Variants in VPS54 observed in about 807,000 individuals in gnomAD.
VPS54 encodes the protein VPS54 subunit of GARP complex.
VPS54 carries 45 observed loss-of-function variants against 121.5 expected under a neutral mutation model. That is an observed-to-expected ratio of 0.37 (90% confidence interval 0.29 to 0.47). VPS54 has a LOEUF of 0.47. VPS54 is among the 20% of genes least tolerant of loss of function. The probability of loss-of-function intolerance (pLI) is 0.99; values close to 1 mark genes in which losing one functional copy is unlikely to be tolerated. For synonymous variants in VPS54, 371 were observed against 385.8 expected (o/e 0.96, Z 0.45); for missense variants, 1,090 against 1,131.4 (o/e 0.96, Z 0.52).
At chr2:63,916,813 A>G (rs1673399444) in intron 16 of VPS54, 87 bp downstream of exon 16, 1 of 1,347,142 alleles carries the variant, frequency 7.4e-7, no homozygotes, top group Non-Finnish European at 1.1e-6. Flanking sequence ...CTGTTAATCC[A>G]AAATTTCCAA....
chr2:64,010,989 T>G (rs565951077), intron 1 of VPS54, among the ~76,000 whole-genome samples: 2 of 152,320 alleles, frequency 1.3e-5, no homozygotes, highest in Admixed American at 1.3e-4. Context: ...TCTGAATGCA[T>G]GCGCTTCCTA....
intron 16 of VPS54, among the ~76,000 whole-genome samples, chr2:63,916,003 T>A (rs1383326502): frequency 6.6e-6 from 1 of 152,110 alleles, no homozygotes; most frequent in African/African-American, 2.4e-5. Flanking sequence ...CTGGAGGTGG[T>A]GGTCATTTCA....
chr2:64,008,098 C>G (rs1678251596), intron 1 of VPS54, among the ~76,000 whole-genome samples: 1 of 151,620 alleles, frequency 6.6e-6, no homozygotes, highest in South Asian at 2.1e-4. Context: ...CAGCAAGAAG[C>G]CAATTGAAGG....
Position 63,962,061 on chromosome 2 carries a change from A to G in VPS54, c.1007T>C (p.Phe336Ser). 1.3e-6 allele frequency: 2 copies of G among 1,556,848 alleles called. No individual in the cohort carries two copies. The highest frequency in any genetic ancestry group is 1.2e-5 in the South Asian group (1 of 83,148). The change falls in exon 7 of 23, where the codon TTC becomes TCC. Residue 336 changes from phenylalanine to serine, a missense_variant. Transcript: ENST00000272322. ...GTGGCTTACTTAATGAACATACCGG[A>G]AACTGTGAATGCCCTGAAGTTCCTG... ...LQQELQGIHS[F>S]RHLGSQLCEL...
At chr2:63,910,282 C>G (rs938266182) in intron 20 of VPS54, among the ~76,000 whole-genome samples, 12 of 152,050 alleles carry the variant, frequency 7.9e-5, no homozygotes, top group African/African-American at 2.4e-4. Context: ...GAAAAGTCAT[C>G]AATGGAGAAG....
intron 14 of VPS54, 95 bp from the exon 15 acceptor site, chr2:63,920,090 A>G (rs1355955456): frequency 1.9e-6 from 2 of 1,031,658 alleles, no homozygotes; most frequent in Non-Finnish European, 2.8e-6. Flanking sequence ...GAGTGAGAAC[A>G]TAAGACTTAA....
intron 1 of VPS54, among the ~76,000 whole-genome samples, chr2:63,985,819 A>G (rs1442761687): frequency 6.6e-6 from 1 of 152,186 alleles, no homozygotes; most frequent in African/African-American, 2.4e-5. Context: ...GAAAATTAAG[A>G]GTCTTTGAAA....
intron 11 of VPS54, 132 bp from the exon 12 acceptor site, chr2:63,934,145 T>G (rs921399578): frequency 2.7e-6 from 2 of 748,744 alleles, no homozygotes; most frequent in African/African-American, 3.5e-5. Flanking sequence ...ATATCAGAAT[T>G]TCTACCGATC....
Position 63,961,903 on chromosome 2 carries a change from A to G in VPS54, c.1010+155T>C, listed in dbSNP as rs140046783. 4.7e-3 allele frequency among the ~76,000 whole-genome samples: 709 copies of G among 152,314 alleles called. 5 individuals carry two copies. Among genetic ancestry groups the G allele is most frequent in the South Asian group, 0.018 (86 of 4,830 alleles). On this transcript the variant is annotated intron_variant, in intron 7 of 22. Coordinates refer to ENST00000272322, the MANE Select transcript of VPS54 (RefSeq NM_016516.3). ...TTATGGTTTTTGTTTTGCTAATACT[A>G]CAATATCAGAATAACATTATTAAAC...
intron 11 of VPS54, among the ~76,000 whole-genome samples, chr2:63,940,610 A>C (rs918731005): frequency 1.3e-5 from 2 of 152,216 alleles, no homozygotes; most frequent in African/African-American, 4.8e-5. Flanking sequence ...TGAAAAAAAC[A>C]TTGAAGGAAA....
At chr2:63,976,957 T>C (rs1676565239) in intron 3 of VPS54, among the ~76,000 whole-genome samples, 1 of 151,220 alleles carries the variant, frequency 6.6e-6, no homozygotes, top group Non-Finnish European at 1.5e-5. Flanking sequence ...GCCTCCCAAG[T>C]AGCTGGGATG....
At chr2:63,910,268 A>G (rs1673091807) in intron 20 of VPS54, among the ~76,000 whole-genome samples, 1 of 152,204 alleles carries the variant, frequency 6.6e-6, no homozygotes, top group East Asian at 1.9e-4. Context: ...TGCCAGAGTA[A>G]TAGGAAAAGT....
rs184176559 is a variant in VPS54 at position 63,935,559 on chromosome 2, G to A, written c.1399-1546C>T. 9.9e-5 allele frequency among the ~76,000 whole-genome samples: 15 copies of A among 152,162 alleles called. No individual in the cohort carries two copies. The South Asian group carries it at 2.1e-3, about 21-fold the overall frequency. On this transcript the variant is annotated intron_variant, in intron 11 of 22. Transcript: ENST00000272322. ...TTAACTTTTTAAAATAAAAAGACAT[G>A]ACAGACCTATCCAACATCTATTCTA...
At chr2:63,976,823 CTCTT>C (rs1676554689) in intron 3 of VPS54, among the ~76,000 whole-genome samples, 1 of 68,040 alleles carries the variant, frequency 1.5e-5, no homozygotes. Context: ...CTTATATCTT[CTCTT>C]TTTTTTTTTT....
chr2:63,908,727 G>A (rs1029290558), intron 20 of VPS54, among the ~76,000 whole-genome samples: 1 of 152,140 alleles, frequency 6.6e-6, no homozygotes. Flanking sequence ...ATATTTACTA[G>A]AACTTGCTAT....
intron 3 of VPS54, among the ~76,000 whole-genome samples, chr2:63,976,140 G>A (rs1213793113): frequency 1.3e-4 from 20 of 152,020 alleles, no homozygotes; most frequent in Admixed American, 1.0e-3. Flanking sequence ...TGAGGAGTTT[G>A]AGACCAGCCT....
At chr2:63,950,212 T>A (rs768406774) in intron 7 of VPS54, among the ~76,000 whole-genome samples, 1 of 152,250 alleles carries the variant, frequency 6.6e-6, no homozygotes, top group Admixed American at 6.5e-5. Flanking sequence ...TCGGGCTTTA[T>A]GGTCTTCACA....
intron 20 of VPS54, among the ~76,000 whole-genome samples, chr2:63,904,686 A>G (rs1160718260): frequency 1.3e-5 from 2 of 152,110 alleles, no homozygotes; most frequent in East Asian, 3.8e-4. Context: ...AAATAACACT[A>G]CCAACCAACA....
At chr2:63,996,159 G>A (rs536777423) in intron 1 of VPS54, among the ~76,000 whole-genome samples, 31 of 152,338 alleles carry the variant, frequency 2.0e-4, no homozygotes, top group South Asian at 4.1e-4. Context: ...GACCCTGAAC[G>A]GAGGGACCGG....
Sources: gnomAD v4.1 joint callset for allele counts (sites outside exome capture counted in the v4.1 genomes callset) on GRCh38, gnomAD v4.1.1 for gene constraint, MANE v1.5 for transcripts, NCBI Gene and HGNC (gene_info 2026-07-23, HGNC 2026-07-21) for gene names.